Variants in HDAC9 observed in about 807,000 individuals in gnomAD.
HDAC9 encodes histone deacetylase 9, also known as MEF-2 interacting transcription repressor (MITR) protein.
HDAC9 carries 41 observed loss-of-function variants against 139.4 expected under a neutral mutation model. The observed-to-expected ratio is 0.29, with a 90% CI of 0.23 to 0.38. The LOEUF (loss-of-function observed/expected upper bound fraction) is 0.38. HDAC9 is among the 10% of genes least tolerant of loss of function. HDAC9 has a pLI of 1.00. For missense variants in HDAC9, 1,147 were observed against 1,297.0 expected (o/e 0.88, Z 1.78); for synonymous variants, 517 against 476.2 (o/e 1.09, Z -1.12).
At chr7:18,353,199 G>A (rs1171632820) in intron 1 of HDAC9, among the ~76,000 whole-genome samples, 2 of 151,970 alleles carry the variant, frequency 1.3e-5, no homozygotes, top group Non-Finnish European at 2.9e-5. Context: ...TCTAGCTATT[G>A]TACAAAGAAA....
chr7:18,817,819 T>A (rs891338642), intron 17 of HDAC9, among the ~76,000 whole-genome samples: 1 of 152,160 alleles, frequency 6.6e-6, no homozygotes, highest in Non-Finnish European at 1.5e-5. Flanking sequence ...CCCTTCTTTT[T>A]TAAAAGACCC....
intron 1 of HDAC9, among the ~76,000 whole-genome samples, chr7:18,345,387 T>C (rs1342218602): frequency 6.6e-6 from 1 of 151,994 alleles, no homozygotes; most frequent in Non-Finnish European, 1.5e-5. Context: ...ATACTAAGCA[T>C]TATTTCCTTT....
At chr7:18,348,746 T>G (rs561826071) in intron 1 of HDAC9, among the ~76,000 whole-genome samples, 7 of 152,186 alleles carry the variant, frequency 4.6e-5, no homozygotes, top group Non-Finnish European at 7.3e-5. Flanking sequence ...AAAATTGGTG[T>G]ATTTCCTACT....
chr7:18,473,318 C>G (rs374321528), intron 1 of HDAC9, among the ~76,000 whole-genome samples: 55 of 152,296 alleles, frequency 3.6e-4, no homozygotes, highest in Non-Finnish European at 8.8e-5. Flanking sequence ...ACCTTAGCAC[C>G]AGGCATGCCT....
intron 1 of HDAC9, among the ~76,000 whole-genome samples, chr7:18,401,352 G>A (rs1410984112): frequency 6.6e-6 from 1 of 152,152 alleles, no homozygotes; most frequent in Non-Finnish European, 1.5e-5. Flanking sequence ...TTCTATGGCT[G>A]TTTGCCTCAT....
intron 24 of HDAC9, among the ~76,000 whole-genome samples, chr7:18,954,902 G>C (rs1049586129): frequency 1.3e-5 from 2 of 152,070 alleles, no homozygotes; most frequent in African/African-American, 4.8e-5. Context: ...GAAGCCACTT[G>C]CCAGCTATCT....
intron 2 of HDAC9, among the ~76,000 whole-genome samples, chr7:18,532,989 C>G (rs929791099): frequency 1.3e-5 from 2 of 152,102 alleles, no homozygotes; most frequent in African/African-American, 2.4e-5. Flanking sequence ...TGCACACACA[C>G]AAATATGTAC....
At chr7:18,275,386 C>A (rs1006343374) in intron 2 of HDAC9, among the ~76,000 whole-genome samples, 2 of 152,158 alleles carry the variant, frequency 1.3e-5, no homozygotes, top group African/African-American at 4.8e-5. Flanking sequence ...CTCTTCCCAG[C>A]CCCACCGTTT....
chr7:18,996,364 A>G lies in HDAC9; in HGVS notation c.*302A>G. On this transcript the variant is annotated 3_prime_UTR_variant, in exon 26 of 26. Coordinates refer to ENST00000686413, the MANE Select transcript of HDAC9 (RefSeq NM_178425.4). ...ACCCACTCCTAGACACCAAGTTTGA[A>G]CTAGAAACATTCAGTACAGCACTAG... 1 of 309,894 alleles carries G rather than the reference A, an allele frequency of 3.2e-6. No individual in the cohort carries two copies. Among genetic ancestry groups the G allele is most frequent in the Non-Finnish European group, 6.2e-6 (1 of 162,174 alleles). 19.2% of individuals were successfully genotyped at this position (309,894 alleles called of 1,614,324 possible).
intron 22 of HDAC9, among the ~76,000 whole-genome samples, chr7:18,894,953 T>C (rs1423435905): frequency 1.3e-5 from 2 of 152,076 alleles, no homozygotes. Context: ...GGGAGATATA[T>C]GAAGTGTGCT....
chr7:18,905,961 T>TTCCTTCCTTCCTTCTC (rs1490939814), intron 22 of HDAC9, among the ~76,000 whole-genome samples: 2 of 150,852 alleles, frequency 1.3e-5, no homozygotes, highest in African/African-American at 4.9e-5. Context: ...CCTTCATTCC[T>TTCCTTCCTTCCTTCTC]TCCTTCCTTC....
chr7:18,200,593 G>A (rs1015243060), intron 2 of HDAC9, among the ~76,000 whole-genome samples: 2 of 152,118 alleles, frequency 1.3e-5, no homozygotes, highest in South Asian at 2.1e-4. Flanking sequence ...TAATTCATCC[G>A]CAAGCTAATA....
rs765578554 is a variant in HDAC9, at chr7:18,590,410, G to A, written c.339G>A (p.Arg113=). 1.9e-6 allele frequency: 3 copies of A among 1,609,784 alleles called. No homozygotes were observed. The highest frequency in any genetic ancestry group is 2.5e-6 in the Non-Finnish European group (3 of 1,177,930). The change falls in exon 4 of 26, where the codon AGG becomes AGA. Residue 113 remains arginine (R), a synonymous_variant. Coordinates refer to ENST00000686413, the MANE Select transcript of HDAC9 (RefSeq NM_178425.4). ...LEKEQKLEQQ[R]QEQEVERHRR... ...AGGAGCAGAAACTGGAGCAGCAGAG[G>A]CAAGAACAGGAAGTAGAGAGGCATC...
intron 1 of HDAC9, among the ~76,000 whole-genome samples, chr7:18,293,472 C>T (rs1797950133): frequency 6.6e-6 from 1 of 152,020 alleles, no homozygotes; most frequent in African/African-American, 2.4e-5. Context: ...AACACATGGA[C>T]ACAGGAAGGG....
At chr7:18,619,602 G>A (rs1839661302) in intron 6 of HDAC9, among the ~76,000 whole-genome samples, 1 of 152,068 alleles carries the variant, frequency 6.6e-6, no homozygotes, top group Non-Finnish European at 1.5e-5. Context: ...GTGTCTATGG[G>A]GGCTTATTTT....
intron 2 of HDAC9, among the ~76,000 whole-genome samples, chr7:18,215,887 T>G (rs1480101434): frequency 6.6e-6 from 1 of 152,164 alleles, no homozygotes; most frequent in African/African-American, 2.4e-5. Context: ...TTTAGACAAT[T>G]TCTGAAACAT....
chr7:18,410,096 T>C (rs1392060966), intron 1 of HDAC9, among the ~76,000 whole-genome samples: 2 of 152,184 alleles, frequency 1.3e-5, no homozygotes, highest in Non-Finnish European at 2.9e-5. Context: ...AACACTAGAT[T>C]GTGATTTAGT....
chr7:18,821,902 C>G (rs1187520079), intron 17 of HDAC9, among the ~76,000 whole-genome samples: 3 of 152,150 alleles, frequency 2.0e-5, no homozygotes, highest in Non-Finnish European at 2.9e-5. Context: ...AGTTTACCTA[C>G]TAGATTACTG....
intron 16 of HDAC9, among the ~76,000 whole-genome samples, chr7:18,773,370 C>T (rs1471889692): frequency 4.1e-4 from 8 of 19,288 alleles, no homozygotes; most frequent in Non-Finnish European, 8.8e-4. Context: ...TGTATACACA[C>T]ACACACACAC....
Sources: allele counts gnomAD v4.1 joint callset (sites outside exome capture counted in the v4.1 genomes callset), GRCh38; gene constraint gnomAD v4.1.1; transcripts MANE v1.5; gene names NCBI Gene and HGNC (gene_info 2026-07-23, HGNC 2026-07-21).